DDX42: variants seen among roughly 807,000 people sequenced by gnomAD.
DDX42 encodes the protein ATP-dependent RNA helicase DDX42.
In DDX42, 22 loss-of-function variants were observed where a neutral mutation model predicts 101.5. The ratio of observed to expected loss-of-function variants is 0.22; its 90% CI spans 0.15 to 0.31. DDX42 has a LOEUF of 0.31. Ranked by LOEUF, DDX42 falls within the 10% of genes least tolerant of loss-of-function variation. The pLI is 1.00. For synonymous variants in DDX42, 402 were observed against 401.2 expected, an observed-to-expected ratio of 1.00 and a Z score of -0.02; for missense variants, 849 against 1,199.9, an observed-to-expected ratio of 0.71 and a Z score of 4.32.
Position 63,817,944 on chromosome 17 carries a change from A to T in DDX42, c.2363A>T (p.Asn788Ile), listed in dbSNP as rs974801161. 1.4e-5 allele frequency: 22 copies of T among 1,614,194 alleles called. No homozygotes were observed. Among genetic ancestry groups the T allele is most frequent in the Non-Finnish European group, 1.8e-5 (21 of 1,180,016 alleles). The change falls in exon 18 of 18, where the codon AAC (asparagine) becomes ATC (isoleucine). Residue 788 changes from asparagine to isoleucine, a missense_variant. Around this residue, in one of 5 missense-constraint regions of DDX42, gnomAD observed 300 missense variants for 304.9 expected, o/e 0.98. Transcript: ENST00000389924. ...TYPSAGAQGV[N>I]NTASGNNSRE... ...CCGTCTGCCGGAGCCCAAGGAGTCA[A>T]CAACACAGCTTCAGGGAATAACAGC...
At chr17:63,785,850 T>A (rs2039542293) in intron 1 of DDX42, among the ~76,000 whole-genome samples, 1 of 152,200 alleles carries the variant, frequency 6.6e-6, no homozygotes, top group African/African-American at 2.4e-5. Context: ...AGATACTGTC[T>A]ACAAACAACT....
chr17:63,796,037 C>G (rs1264712131), intron 3 of DDX42, among the ~76,000 whole-genome samples: 1 of 152,048 alleles, frequency 6.6e-6, no homozygotes, highest in East Asian at 1.9e-4. Flanking sequence ...AGTGATTTAC[C>G]CTAGGAGTAA....
Position 63,785,029 on chromosome 17 carries a change from TTG to T in DDX42, c.-16-1999_-16-1998del, listed in dbSNP as rs1432953956. On this transcript the variant is annotated intron_variant, in intron 1 of 17. Transcript: ENST00000389924. ...GTACAGTATGGTTTCAATTTTTAATTTGTGTGTATATACACATATGCATACAA... is the reference window on the plus strand; with the variant it reads ...GTACAGTATGGTTTCAATTTTTAATTTGTGTATATACACATATGCATACAA... Among the ~76,000 whole-genome samples, 7 of 152,248 alleles carry T rather than the reference TTG, an allele frequency of 4.6e-5. No individual in the cohort carries two copies. In the East Asian group the frequency reaches 7.7e-4, roughly 17 times the overall value.
Position 63,798,084 on chromosome 17 carries a change from A to G in DDX42, c.419A>G (p.Glu140Gly). The change falls in exon 4 of 18, where the codon GAA (glutamate) becomes GGA (glycine). Residue 140 changes from glutamate to glycine, a missense_variant. By Grantham distance (98) the Glu-to-Gly change is moderately conservative. This residue lies in a region of DDX42 where 370 missense variants were observed against 608.8 expected (regional missense o/e 0.61). Transcript: ENST00000389924. ...AAGAGGCTTGAAGAAAAGGACAAGG[A>G]AAGAAAAAACGTAAAGTAAGTTGTT... ...DMKRLEEKDK[E>G]RKNVKGIRDD... The G allele has an allele frequency of 6.2e-7, 1 of 1,613,566 alleles. No homozygotes were observed. The highest frequency in any genetic ancestry group is 8.5e-7 in the Non-Finnish European group (1 of 1,179,746).
chr17:63,803,094 C>T (rs2039792697), intron 6 of DDX42, among the ~76,000 whole-genome samples: 1 of 152,092 alleles, frequency 6.6e-6, no homozygotes, highest in African/African-American at 2.4e-5. Flanking sequence ...TATATAACCT[C>T]AGTGAACCAA....
Position 63,818,465 on chromosome 17 carries a change from C to G in DDX42, c.*67C>G. 3 of 1,483,746 alleles carry G rather than the reference C, an allele frequency of 2.0e-6. No individual in the cohort carries two copies. Among genetic ancestry groups the G allele is most frequent in the Middle Eastern group, 2.4e-4 (1 of 4,186 alleles). 91.9% of individuals were successfully genotyped at this position (1,483,746 alleles called of 1,614,324 possible). On this transcript the variant is annotated 3_prime_UTR_variant, in exon 18 of 18. Transcript: ENST00000389924. ...TAGAAAGATTTTGGTAACTAGGTGT[C>G]TCAGGGCTGGGTTGGGGTCCAAAGT...
At chr17:63,787,650 C>A (rs2039562844) in intron 2 of DDX42, among the ~76,000 whole-genome samples, 1 of 151,998 alleles carries the variant, frequency 6.6e-6, no homozygotes, top group Admixed American at 6.6e-5. Flanking sequence ...AACAGCCTGG[C>A]CAATATGGTG....
chr17:63,816,849 G>C lies in DDX42; in HGVS notation c.2014-19G>C, dbSNP rs373710981. Reference sequence around the variant, plus strand: ...TCCTGCTTATTTTTTCATTCTCATAGATGTGTTTATTTTTTTAGGATCGAG... The same window carrying C: ...TCCTGCTTATTTTTTCATTCTCATACATGTGTTTATTTTTTTAGGATCGAG... On this transcript the variant is annotated intron_variant, in intron 16 of 17. Coordinates refer to ENST00000389924, the MANE Select transcript of DDX42 (RefSeq NM_203499.3). 9.7e-5 allele frequency: 155 copies of C among 1,600,072 alleles called. 2 individuals are homozygous for C. The highest frequency in any genetic ancestry group is 9.2e-4 in the South Asian group (83 of 89,956).
chr17:63,805,175 G>A lies in DDX42; in HGVS notation c.726G>A (p.Arg242=). The A allele has an allele frequency of 6.2e-7, 1 of 1,611,184 alleles. No individual in the cohort carries two copies. Among genetic ancestry groups the A allele is most frequent in the Middle Eastern group, 1.7e-4 (1 of 6,058 alleles). ...LIDLRHKLNL[R]VSGAAPPRPG... ...ATCTCCGGCATAAGCTCAATCTTCGGGTAAGCATCATTAAGCTCAATATTC... is the reference window on the plus strand; with the variant it reads ...ATCTCCGGCATAAGCTCAATCTTCGAGTAAGCATCATTAAGCTCAATATTC... The change falls in exon 7 of 18, where the codon CGG becomes CGA. Residue 242 remains arginine, a splice_region_variant and synonymous_variant. Coordinates refer to ENST00000389924, the MANE Select transcript of DDX42 (RefSeq NM_203499.3).
chr17:63,801,593 A>C (rs2039770994), intron 6 of DDX42, among the ~76,000 whole-genome samples: 1 of 151,448 alleles, frequency 6.6e-6, no homozygotes. Flanking sequence ...GCAGTGGCGC[A>C]ATCTTGGCTT....
chr17:63,815,703 T>C (rs2039969073), intron 16 of DDX42, 30 bp downstream of exon 16: 1 of 1,473,174 alleles, frequency 6.8e-7, no homozygotes, highest in African/African-American at 1.4e-5. Flanking sequence ...GTAGTGCCTT[T>C]ATAGTTGGTC....
At chr17:63,797,809 A>G (rs1413449903) in intron 3 of DDX42, among the ~76,000 whole-genome samples, 1 of 152,200 alleles carries the variant, frequency 6.6e-6, no homozygotes, top group Non-Finnish European at 1.5e-5. Context: ...TCATTTTTCC[A>G]TGTGTGGCAC....
intron 2 of DDX42, 151 bp downstream of exon 2, chr17:63,787,421 A>G: frequency 1.1e-6 from 1 of 892,994 alleles, no homozygotes; most frequent in Non-Finnish European, 1.7e-6. Context: ...CTAATAAGTT[A>G]AATTATCAGG....
chr17:63,781,133 C>T (rs965304596), intron 1 of DDX42, among the ~76,000 whole-genome samples: 9 of 152,208 alleles, frequency 5.9e-5, no homozygotes, highest in African/African-American at 1.4e-4. Context: ...TTGCCAGGTA[C>T]TCCTCAACCC....
chr17:63,809,470 A>T (rs1260631481), intron 10 of DDX42, 90 bp from the exon 11 acceptor site: 1 of 971,378 alleles, frequency 1.0e-6, no homozygotes, highest in African/African-American at 1.6e-5. Context: ...GAGACTAGAG[A>T]ATTAGCACTT....
chr17:63,777,728 G>A (rs1568257612), intron 1 of DDX42, among the ~76,000 whole-genome samples: 1 of 152,040 alleles, frequency 6.6e-6, no homozygotes, highest in Admixed American at 6.6e-5. Context: ...GATTACAGGC[G>A]TGAGCCACCG....
chr17:63,777,847 T>G (rs534317569), intron 1 of DDX42, among the ~76,000 whole-genome samples: 5 of 152,300 alleles, frequency 3.3e-5, no homozygotes, highest in African/African-American at 1.2e-4. Flanking sequence ...ACTCACAGTT[T>G]ATAGGAAAGA....
chr17:63,805,196 T>C (rs1238011706), intron 7 of DDX42, 21 bp downstream of exon 7: 1 of 1,604,976 alleles, frequency 6.2e-7, no homozygotes, highest in Non-Finnish European at 8.5e-7. Context: ...TTAAGCTCAA[T>C]ATTCTTAATA....
chr17:63,792,697 T>C, intron 3 of DDX42, 135 bp downstream of exon 3: 1 of 914,854 alleles, frequency 1.1e-6, no homozygotes, highest in South Asian at 2.1e-5. Flanking sequence ...GCTCCAGTAG[T>C]CTATAGTTGC....
Sources: allele counts gnomAD v4.1 joint callset (sites outside exome capture counted in the v4.1 genomes callset), GRCh38; gene constraint gnomAD v4.1.1; regional missense constraint gnomAD v4.1.1; transcripts MANE v1.5; gene names NCBI Gene and HGNC (gene_info 2026-07-23, HGNC 2026-07-21).